TRMT11: variants seen among roughly 807,000 people sequenced by gnomAD.
TRMT11 encodes the protein tRNA (guanine(10)-N(2))-methyltransferase TRMT11.
A neutral mutation model predicts 62.8 loss-of-function variants in TRMT11; 53 were observed. The observed-to-expected ratio is 0.84, with a 90% CI of 0.68 to 1.06. TRMT11 has a LOEUF of 1.06. TRMT11 is among the 50% of genes least tolerant of loss of function. TRMT11 has a pLI of 0.00. For synonymous variants in TRMT11, 188 were observed against 190.3 expected (o/e 0.99, Z 0.10); for missense variants, 556 against 553.4 (o/e 1.00, Z -0.05).
At chr6:126,168,468 ATTGGCCATTATGTTAGAATT>A (rs1023752029) in intron 21 of TRMT11, among the ~76,000 whole-genome samples, 5 of 152,178 alleles carry the variant, frequency 3.3e-5, no homozygotes. Flanking sequence ...TACTGATCAT[ATTGGCCATTATGTTAGAATT>A]GCCACTTTCC....
At chr6:125,997,761 G>A (rs1240671845) in intron 3 of TRMT11, among the ~76,000 whole-genome samples, 2 of 152,052 alleles carry the variant, frequency 1.3e-5, no homozygotes, top group South Asian at 2.1e-4. Flanking sequence ...CACCCACCTC[G>A]GCCTCCCAAG....
chr6:126,223,423 A>AAAAAC, the TRMT11 span, among the ~76,000 whole-genome samples: 5,578 of 148,914 alleles, frequency 0.037, 212 homozygotes, highest in African/African-American at 0.095. Flanking sequence ...TCCGTCTCGA[A>AAAAAC]AAAACAAAAC....
chr6:126,083,489 A>C (rs1583870263), intron 17 of TRMT11, among the ~76,000 whole-genome samples: 2 of 152,186 alleles, frequency 1.3e-5, no homozygotes, highest in East Asian at 3.8e-4. Flanking sequence ...TATTTATTAT[A>C]AATACATTAT....
At chr6:126,031,478 A>G (rs1009250204) in intron 12 of TRMT11, among the ~76,000 whole-genome samples, 1 of 152,160 alleles carries the variant, frequency 6.6e-6, no homozygotes, top group Non-Finnish European at 1.5e-5. Context: ...TGTGTTCTGT[A>G]GTGATCTGTG....
At chr6:126,170,699 C>T (rs937718925) in intron 21 of TRMT11, among the ~76,000 whole-genome samples, 2 of 152,100 alleles carry the variant, frequency 1.3e-5, no homozygotes, top group Non-Finnish European at 2.9e-5. Context: ...CAAGATCTCC[C>T]GCTGATCTGT....
intron 7 of TRMT11, among the ~76,000 whole-genome samples, chr6:126,004,763 C>T (rs1793096668): frequency 6.6e-6 from 1 of 152,000 alleles, no homozygotes; most frequent in Admixed American, 6.6e-5. Flanking sequence ...ATGTATTGCT[C>T]ACTTACTACT....
chr6:125,990,071 T>A (rs567329038), intron 1 of TRMT11, among the ~76,000 whole-genome samples: 1 of 152,342 alleles, frequency 6.6e-6, no homozygotes, highest in African/African-American at 2.4e-5. Context: ...CTGCCAAAAT[T>A]CTTATTTTTT....
intron 20 of TRMT11, among the ~76,000 whole-genome samples, chr6:126,115,652 A>T (rs533971048): frequency 6.6e-6 from 1 of 152,294 alleles, no homozygotes; most frequent in African/African-American, 2.4e-5. Flanking sequence ...TGCTCAACTT[A>T]TCACCTGTGT....
At chr6:126,191,517 G>T in intron 1 of TRMT11, among the ~76,000 whole-genome samples, 1 of 120,960 alleles carries the variant, frequency 8.3e-6, no homozygotes, top group African/African-American at 3.1e-5. Flanking sequence ...ATCTTGCCCT[G>T]CCCTCAAAAT....
chr6:126,212,181 C>T, the TRMT11 span, among the ~76,000 whole-genome samples: 1 of 152,130 alleles, frequency 6.6e-6, no homozygotes, highest in Admixed American at 6.5e-5. Context: ...CTGATGGACA[C>T]TTAGCTTGTT....
At chr6:126,017,740 C>T (rs1468924487) in intron 11 of TRMT11, among the ~76,000 whole-genome samples, 1 of 152,308 alleles carries the variant, frequency 6.6e-6, no homozygotes, top group East Asian at 1.9e-4. Flanking sequence ...CTTGTTTTTA[C>T]TGCTTATAGA....
chr6:126,023,119 G>A (rs1011916136), intron 12 of TRMT11, among the ~76,000 whole-genome samples: 1 of 152,050 alleles, frequency 6.6e-6, no homozygotes, highest in African/African-American at 2.4e-5. Context: ...ATTTAAAGTC[G>A]TTTTTGGAAA....
intron 21 of TRMT11, among the ~76,000 whole-genome samples, chr6:126,166,195 C>G (rs1463708894): frequency 6.6e-6 from 1 of 152,048 alleles, no homozygotes; most frequent in Non-Finnish European, 1.5e-5. Flanking sequence ...AACCTTTTAT[C>G]AAGGTTCTTA....
At chr6:126,260,771 T>G in the TRMT11 span, among the ~76,000 whole-genome samples, 1 of 152,196 alleles carries the variant, frequency 6.6e-6, no homozygotes, top group Non-Finnish European at 1.5e-5. Context: ...GCCTGCAAGT[T>G]TTCTGCTAAG....
chr6:126,045,907 TG>T (rs1487324819), intron 16 of TRMT11, among the ~76,000 whole-genome samples: 5 of 152,202 alleles, frequency 3.3e-5, no homozygotes, highest in African/African-American at 4.8e-5. Flanking sequence ...AATAAAGGAT[TG>T]TTTTTTTTCC....
At chr6:126,008,651 C>T in intron 8 of TRMT11, 179 bp downstream of exon 8, 2 of 706,544 alleles carry the variant, frequency 2.8e-6, no homozygotes, top group Non-Finnish European at 5.2e-6. Flanking sequence ...TCCTCTTCCT[C>T]CTCAGCCTGC....
chr6:126,113,073 C>T lies in TRMT11; in HGVS notation c.*1526+119C>T, dbSNP rs9491560. Among the ~76,000 whole-genome samples, 752 of 152,152 alleles carry T rather than the reference C, an allele frequency of 4.9e-3. 9 individuals are homozygous for T. Among genetic ancestry groups the T allele is most frequent in the African/African-American group, 0.016 (681 of 41,522 alleles). On this transcript the variant is annotated intron_variant and NMD_transcript_variant, in intron 18 of 22. Coordinates refer to the TRMT11 transcript ENST00000648977. ...GAACTCCCTCCCTGGCCTTCAGGTA[C>T]TCACATTGCATTTGGGAACCTAGGC... is the stretch of plus-strand genomic sequence containing the variant.
downstream of TRMT11, among the ~76,000 whole-genome samples, chr6:126,205,572 G>T (rs1051826699): frequency 6.6e-6 from 1 of 152,118 alleles, no homozygotes; most frequent in African/African-American, 2.4e-5. Flanking sequence ...TTTTAAAGAT[G>T]ACTGTACATT....
At chr6:126,216,833 C>T in the TRMT11 span, among the ~76,000 whole-genome samples, 12 of 151,868 alleles carry the variant, frequency 7.9e-5, no homozygotes, top group Admixed American at 1.3e-4. Context: ...AAACTTTATA[C>T]ACCTGTCTCT....
Sources: allele counts gnomAD v4.1 joint callset (sites outside exome capture counted in the v4.1 genomes callset), GRCh38; gene constraint gnomAD v4.1.1; transcripts MANE v1.5; gene names NCBI Gene and HGNC (gene_info 2026-07-23, HGNC 2026-07-21).